Variants in EXOC4 observed in about 807,000 individuals in gnomAD.
The protein encoded by EXOC4 is exocyst complex component 4, also known as SEC8-like 1.
A neutral mutation model predicts 107.2 loss-of-function variants in EXOC4; 71 were observed. That is an observed-to-expected ratio of 0.66 (90% CI 0.55 to 0.81). The LOEUF is 0.81. Among genes scored for constraint, EXOC4 ranks in the 30% least tolerant of loss-of-function variants. EXOC4 has a pLI of 0.00. For synonymous variants in EXOC4, 456 were observed against 441.2 expected (o/e 1.03, Z -0.42); for missense variants, 1,108 against 1,189.6 (o/e 0.93, Z 1.01).
chr7:134,035,952 C>G (rs1795378045), intron 17 of EXOC4, among the ~76,000 whole-genome samples: 1 of 152,208 alleles, frequency 6.6e-6, no homozygotes, highest in African/African-American at 2.4e-5. Flanking sequence ...CACATTCCCC[C>G]TAAACTAGTA....
chr7:133,256,688 C>T (rs1795027083), intron 1 of EXOC4, among the ~76,000 whole-genome samples: 1 of 152,112 alleles, frequency 6.6e-6, no homozygotes, highest in South Asian at 2.1e-4. Flanking sequence ...TTCTGTACTA[C>T]ATTATGTATC....
intron 5 of EXOC4, among the ~76,000 whole-genome samples, chr7:133,331,968 G>A (rs1375033661): frequency 6.6e-6 from 1 of 152,158 alleles, no homozygotes. Flanking sequence ...CTATAACTTA[G>A]GTAGAAGGAT....
chr7:133,866,885 G>GC (rs1563034771), intron 11 of EXOC4, among the ~76,000 whole-genome samples: 3 of 152,216 alleles, frequency 2.0e-5, no homozygotes, highest in African/African-American at 7.2e-5. Flanking sequence ...TATAAGAGTT[G>GC]TGCAGCTTTC....
intron 9 of EXOC4, among the ~76,000 whole-genome samples, chr7:133,557,019 G>A (rs1800704036): frequency 6.6e-6 from 1 of 152,088 alleles, no homozygotes; most frequent in Admixed American, 6.6e-5. Flanking sequence ...GATAGAGGGT[G>A]GACCACCTTT....
intron 9 of EXOC4, among the ~76,000 whole-genome samples, chr7:133,592,381 C>T (rs1035313572): frequency 6.6e-6 from 1 of 152,120 alleles, no homozygotes; most frequent in African/African-American, 2.4e-5. Context: ...AATGTTTATA[C>T]CTGGGAATAT....
At chr7:133,712,182 G>C (rs1274408510) in intron 10 of EXOC4, among the ~76,000 whole-genome samples, 1 of 152,122 alleles carries the variant, frequency 6.6e-6, no homozygotes, top group Non-Finnish European at 1.5e-5. Context: ...GCTCACGCCT[G>C]TAATCCCAGC....
chr7:133,923,607 G>A (rs143423679), intron 13 of EXOC4, among the ~76,000 whole-genome samples: 3 of 152,072 alleles, frequency 2.0e-5, no homozygotes, highest in African/African-American at 4.8e-5. Flanking sequence ...TAATTAGCTT[G>A]TCTGTCTGTA....
intron 7 of EXOC4, among the ~76,000 whole-genome samples, chr7:133,420,683 A>G (rs1463066806): frequency 1.3e-5 from 2 of 152,066 alleles, no homozygotes; most frequent in Non-Finnish European, 2.9e-5. Context: ...CAGAATCTAC[A>G]TTTCAGTGAC....
chr7:133,657,524 TG>T (rs769816971), intron 10 of EXOC4, among the ~76,000 whole-genome samples: 5 of 152,160 alleles, frequency 3.3e-5, no homozygotes, highest in Non-Finnish European at 7.4e-5. Context: ...ATTTTGTAAG[TG>T]GTGTGCGTGC....
At chr7:133,564,414 C>G (rs1166400098) in intron 9 of EXOC4, among the ~76,000 whole-genome samples, 1 of 152,170 alleles carries the variant, frequency 6.6e-6, no homozygotes, top group African/African-American at 2.4e-5. Flanking sequence ...CTACCAGGCT[C>G]TACCTCCAGT....
chr7:133,863,513 A>C (rs1207060117), intron 11 of EXOC4, among the ~76,000 whole-genome samples: 2 of 152,196 alleles, frequency 1.3e-5, no homozygotes, highest in Admixed American at 1.3e-4. Context: ...CAGGGATAGA[A>C]GTCAGAGCAG....
chr7:133,637,889 T>C (rs1276179953), intron 10 of EXOC4, among the ~76,000 whole-genome samples: 2 of 152,138 alleles, frequency 1.3e-5, no homozygotes, highest in Admixed American at 1.3e-4. Context: ...AACTGGGCGG[T>C]TTTATACTAC....
At chr7:133,656,249 G>A (rs1049541000) in intron 10 of EXOC4, among the ~76,000 whole-genome samples, 23 of 152,124 alleles carry the variant, frequency 1.5e-4, no homozygotes, top group African/African-American at 5.3e-4. Context: ...AAAGATATCA[G>A]TTGGCAAGGG....
rs535355855 is a variant in EXOC4, at chr7:133,626,207, C to CAA, written c.1418-3829_1418-3828dup. ...AGGGAACAGAGCAAGACTCCATCTC[C>CAA]AAAAAAAAAAGGTTCCTGACAGTAG... On this transcript the variant is annotated intron_variant, in intron 9 of 17. Transcript: ENST00000253861. 2.5e-3 allele frequency among the ~76,000 whole-genome samples: 362 copies of CAA among 145,838 alleles called. 2 individuals carry two copies. Among genetic ancestry groups the CAA allele is most frequent in the East Asian group, 0.024 (118 of 4,846 alleles).
At chr7:133,551,420 G>C (rs938613154) in intron 9 of EXOC4, among the ~76,000 whole-genome samples, 1 of 151,246 alleles carries the variant, frequency 6.6e-6, no homozygotes, top group African/African-American at 2.4e-5. Flanking sequence ...TATTTTTCTT[G>C]TCTAGAGTAC....
intron 12 of EXOC4, among the ~76,000 whole-genome samples, chr7:133,907,968 G>A (rs1430434581): frequency 6.6e-6 from 1 of 152,198 alleles, no homozygotes; most frequent in African/African-American, 2.4e-5. Flanking sequence ...TGGTGTCTCT[G>A]TATAGGCCTT....
intron 9 of EXOC4, among the ~76,000 whole-genome samples, chr7:133,558,587 C>A (rs1267680717): frequency 6.6e-6 from 1 of 152,024 alleles, no homozygotes; most frequent in African/African-American, 2.4e-5. Context: ...TTGGAAATTA[C>A]AAACAAATGT....
intron 11 of EXOC4, among the ~76,000 whole-genome samples, chr7:133,865,234 A>T (rs1050595507): frequency 1.3e-5 from 2 of 152,146 alleles, no homozygotes; most frequent in African/African-American, 4.8e-5. Flanking sequence ...ACCACTGTGT[A>T]TCAGTAGAAA....
intron 6 of EXOC4, among the ~76,000 whole-genome samples, chr7:133,364,793 C>T (rs756001757): frequency 4.6e-5 from 7 of 152,194 alleles, no homozygotes; most frequent in Non-Finnish European, 8.8e-5. Flanking sequence ...CACTTGCCTC[C>T]TCACAGGCAG....
Sources: allele counts gnomAD v4.1 joint callset (sites outside exome capture counted in the v4.1 genomes callset), GRCh38; gene constraint gnomAD v4.1.1; transcripts MANE v1.5; gene names NCBI Gene and HGNC (gene_info 2026-07-23, HGNC 2026-07-21).